The following TSC22D1 variants were observed in gnomAD, a reference collection of about 807,000 sequenced individuals.
The protein encoded by TSC22D1 is TSC22 domain family protein 1.
TSC22D1 carries 9 observed loss-of-function variants against 74.2 expected under a neutral mutation model. The ratio of observed to expected loss-of-function variants is 0.12; its 90% CI spans 0.07 to 0.21. The LOEUF (loss-of-function observed/expected upper bound fraction) is 0.21, where lower values mean the gene tolerates loss of function less well. Ranked by LOEUF, TSC22D1 falls within the 10% of genes least tolerant of loss-of-function variation. The pLI, the probability that TSC22D1 is intolerant of heterozygous loss-of-function variation, is 1.00. For synonymous variants in TSC22D1, 586 were observed against 492.5 expected, an observed-to-expected ratio of 1.19 and a Z score of -2.51; for missense variants, 1,427 against 1,304.7, an observed-to-expected ratio of 1.09 and a Z score of -1.44.
At chr13:44,437,296 A>G in intron 1 of TSC22D1, 1 of 979,148 alleles carries the variant, frequency 1.0e-6, no homozygotes, top group African/African-American at 1.7e-5. Flanking sequence ...CACCACTGTA[A>G]GACTTCGAGT....
intron 1 of TSC22D1, among the ~76,000 whole-genome samples, chr13:44,491,826 T>C (rs1878741080): frequency 6.6e-6 from 1 of 152,220 alleles, no homozygotes; most frequent in Non-Finnish European, 1.5e-5. Flanking sequence ...GTTTTTTATG[T>C]ATTGATGGTA....
chr13:44,472,509 G>A (rs2137910869), intron 1 of TSC22D1, among the ~76,000 whole-genome samples: 1 of 152,216 alleles, frequency 6.6e-6, no homozygotes, highest in South Asian at 2.1e-4. Flanking sequence ...GACCTGCTAT[G>A]TGTACCAGGT....
chr13:44,539,974 T>C (rs1268111277), intron 1 of TSC22D1: 1 of 1,243,240 alleles, frequency 8.0e-7, no homozygotes, highest in South Asian at 1.3e-5. Context: ...TATTAAGAAA[T>C]TACATTCTCT....
At chr13:44,545,950 C>A (rs1247072848) in intron 1 of TSC22D1, among the ~76,000 whole-genome samples, 1 of 151,516 alleles carries the variant, frequency 6.6e-6, no homozygotes, top group Non-Finnish European at 1.5e-5. Context: ...GCACTACAGC[C>A]TGGGTGACAG....
At chr13:44,519,249 C>T (rs1880194290) in intron 1 of TSC22D1, among the ~76,000 whole-genome samples, 1 of 152,132 alleles carries the variant, frequency 6.6e-6, no homozygotes. Flanking sequence ...TCACTGATTA[C>T]TTTCCTTCCC....
rs371256610 is a variant in TSC22D1 at position 44,466,370 on chromosome 13, CAG to C, written c.2913-30277_2913-30276del. On this transcript the variant is annotated intron_variant, in intron 1 of 2. Coordinates refer to ENST00000458659, the MANE Select transcript of TSC22D1 (RefSeq NM_183422.4). ...TGTCAAAATAAAGGACAAAAATGTA[CAG>C]AGTGGTTTAAATACCATCCTATTAT... is the stretch of plus-strand genomic sequence containing the variant. Among the ~76,000 whole-genome samples the C allele has an allele frequency of 8.5e-4, 130 of 152,300 alleles. 1 individual carries two copies. The Middle Eastern group carries it at 0.01, about 12-fold the overall frequency.
chr13:44,433,189 T>C lies in TSC22D1; in HGVS notation c.*1437A>G, dbSNP rs1874196155. The C allele has an allele frequency of 6.6e-6, 1 of 152,148 alleles. No individual in the cohort carries two copies. Among genetic ancestry groups the C allele is most frequent in the Non-Finnish European group, 1.5e-5 (1 of 68,026 alleles). 9.4% of individuals were successfully genotyped at this position (152,148 alleles called of 1,614,324 possible). ...TTCTTCCTCTCAGTTCAGTAAAAAA[T>C]TAAGATTTTCAAGGACTCCTAGAAT... On this transcript the variant is annotated 3_prime_UTR_variant, in exon 3 of 3. Transcript: ENST00000458659.
chr13:44,434,832 G>A lies in TSC22D1; in HGVS notation c.3016C>T (p.Leu1006Phe). Reference protein sequence around the residue: ...MYAVREEVEVLKEQIKELIEK... With the variant: ...MYAVREEVEVFKEQIKELIEK... Reference sequence around the variant, plus strand: ...ATTAGTTCTTTGATTTGCTCTTTGAGGACCTCCACTTCTTCTCTGACCGCA... The same window carrying A: ...ATTAGTTCTTTGATTTGCTCTTTGAAGACCTCCACTTCTTCTCTGACCGCA... Residue 1006 changes from leucine to phenylalanine, a missense_variant, in exon 3 of 3, where the codon CTC (leucine) becomes TTC (phenylalanine). Around this residue, in one of 3 missense-constraint regions of TSC22D1, gnomAD observed 21 missense variants for 62.7 expected, o/e 0.34. Coordinates refer to ENST00000458659, the MANE Select transcript of TSC22D1 (RefSeq NM_183422.4). 3 of 1,613,906 alleles carry A rather than the reference G, an allele frequency of 1.9e-6. No individual in the cohort carries two copies. Among genetic ancestry groups the A allele is most frequent in the Non-Finnish European group, 2.5e-6 (3 of 1,179,986 alleles).
At chr13:44,556,480 A>C (rs1203961431) in intron 1 of TSC22D1, among the ~76,000 whole-genome samples, 1 of 151,626 alleles carries the variant, frequency 6.6e-6, no homozygotes, top group Admixed American at 6.6e-5. Context: ...CAGGAAGCGG[A>C]GGTTGCAGTG....
At position 44,502,932 on chromosome 13, in the gene TSC22D1, CTATT is replaced by C. The variant is rs540861659; in HGVS notation, c.2913-66841_2913-66838del. ...TTTGTATACACAATAAAACTGCAAA[CTATT>C]TAAAGTAAGAACCACAATAAACTTC... On this transcript the variant is annotated intron_variant, in intron 1 of 2. Coordinates refer to ENST00000458659, the MANE Select transcript of TSC22D1 (RefSeq NM_183422.4). Among the ~76,000 whole-genome samples the C allele has an allele frequency of 6.6e-5, 10 of 152,296 alleles. No individual in the cohort carries two copies. In the East Asian group the frequency reaches 1.9e-3, roughly 29 times the overall value.
intron 1 of TSC22D1, among the ~76,000 whole-genome samples, chr13:44,484,621 A>T (rs1254123773): frequency 6.6e-6 from 1 of 152,252 alleles, no homozygotes; most frequent in Non-Finnish European, 1.5e-5. Flanking sequence ...ACTAATATTC[A>T]TGATAAACAT....
chr13:44,514,319 T>C (rs1595129631), intron 1 of TSC22D1, among the ~76,000 whole-genome samples: 1 of 151,890 alleles, frequency 6.6e-6, no homozygotes, highest in African/African-American at 2.4e-5. Context: ...AAACAAGATC[T>C]TCCCTACTCA....
chr13:44,544,529 A>AT (rs200171782), intron 1 of TSC22D1, among the ~76,000 whole-genome samples: 81 of 149,508 alleles, frequency 5.4e-4, no homozygotes, highest in South Asian at 3.2e-3. Flanking sequence ...GTTAAAAAGA[A>AT]TTTTTTTTTT....
chr13:44,533,271 G>A (rs1880955752), intron 1 of TSC22D1, among the ~76,000 whole-genome samples: 1 of 151,630 alleles, frequency 6.6e-6, no homozygotes, highest in African/African-American at 2.4e-5. Flanking sequence ...GACCAGCCTG[G>A]CCAACATGGT....
intron 1 of TSC22D1, among the ~76,000 whole-genome samples, chr13:44,506,413 A>G (rs550066313): frequency 1.3e-5 from 2 of 152,302 alleles, no homozygotes; most frequent in East Asian, 3.9e-4. Flanking sequence ...GTTCTCGCTT[A>G]TAAGTGGGAG....
At chr13:44,560,249 G>A (rs931239427) in intron 1 of TSC22D1, among the ~76,000 whole-genome samples, 4 of 151,870 alleles carry the variant, frequency 2.6e-5, no homozygotes, top group Admixed American at 2.0e-4. Context: ...GGGCAACATG[G>A]TGAAACCTCG....
At chr13:44,516,941 C>A (rs1880016987) in intron 1 of TSC22D1, among the ~76,000 whole-genome samples, 1 of 152,172 alleles carries the variant, frequency 6.6e-6, no homozygotes, top group African/African-American at 2.4e-5. Context: ...CAGTTAGTCA[C>A]CCCGCCTTCT....
At chr13:44,478,894 A>AGTGTGTGTGTGT (rs60733643) in intron 1 of TSC22D1, among the ~76,000 whole-genome samples, 3 of 150,064 alleles carry the variant, frequency 2.0e-5, no homozygotes, top group Non-Finnish European at 4.5e-5. Flanking sequence ...ACACACAGGT[A>AGTGTGTGTGTGT]GTGTGTGTGT....
At position 44,575,555 on chromosome 13, in the gene TSC22D1, C is replaced by T. The variant is rs1306319211; in HGVS notation, c.520G>A (p.Glu174Lys). 3 of 1,613,926 alleles carry T rather than the reference C, an allele frequency of 1.9e-6. No individual in the cohort carries two copies. In the African/African-American group the frequency reaches 4.0e-5, roughly 22 times the overall value. The change falls in exon 1 of 3, where the codon GAA becomes AAA. Residue 174 changes from glutamate to lysine, a missense_variant. Glu to Lys is a moderately conservative substitution (Grantham distance 56). Around this residue, in one of 3 missense-constraint regions of TSC22D1, gnomAD observed 1,343 missense variants for 1,191.5 expected, o/e 1.13. Coordinates refer to ENST00000458659, the MANE Select transcript of TSC22D1 (RefSeq NM_183422.4). ...DLGEPERSSSEETLNNFQEAE... is the reference protein window; with the variant it reads ...DLGEPERSSSKETLNNFQEAE... Reference sequence around the variant, plus strand: ...TCCTGGAAGTTATTTAGGGTCTCTTCTGAGGAGCTGCGTTCGGGCTCCCCT... The same window carrying T: ...TCCTGGAAGTTATTTAGGGTCTCTTTTGAGGAGCTGCGTTCGGGCTCCCCT...
Sources: gnomAD v4.1 joint callset for allele counts (sites outside exome capture counted in the v4.1 genomes callset) on GRCh38, gnomAD v4.1.1 for gene constraint, gnomAD v4.1.1 regional missense constraint, MANE v1.5 for transcripts, NCBI Gene and HGNC (gene_info 2026-07-23, HGNC 2026-07-21) for gene names.